The following GRIK2 variants were observed in gnomAD, a reference collection of about 807,000 sequenced individuals.
GRIK2 encodes the protein glutamate receptor ionotropic, kainate 2.
A neutral mutation model predicts 100.3 loss-of-function variants in GRIK2; 32 were observed. That is an observed-to-expected ratio of 0.32 (90% confidence interval 0.24 to 0.43). The LOEUF is 0.43. Among genes scored for constraint, GRIK2 ranks in the 20% least tolerant of loss-of-function variants. GRIK2 has a pLI of 1.00. For missense variants in GRIK2, 843 were observed against 1,114.9 expected (o/e 0.76, Z 3.47); for synonymous variants, 417 against 389.4 (o/e 1.07, Z -0.83).
intron 7 of GRIK2, among the ~76,000 whole-genome samples, chr6:101,720,652 T>A (rs1345313225): frequency 6.6e-6 from 1 of 151,956 alleles, no homozygotes; most frequent in African/African-American, 2.4e-5. Context: ...AATGATTCAG[T>A]CATCCAAGAT....
intron 2 of GRIK2, among the ~76,000 whole-genome samples, chr6:101,600,559 T>A (rs923365929): frequency 6.6e-6 from 1 of 151,978 alleles, no homozygotes; most frequent in Non-Finnish European, 1.5e-5. Context: ...TATTTGTTTG[T>A]GTCACCTGTG....
intron 14 of GRIK2, among the ~76,000 whole-genome samples, chr6:101,981,580 G>GA (rs1793716180): frequency 6.6e-6 from 1 of 151,730 alleles, no homozygotes; most frequent in Non-Finnish European, 1.5e-5. Flanking sequence ...GTGGTATTAG[G>GA]AAAAAAGAAA....
Position 101,399,303 on chromosome 6 carries a change from G to C in GRIK2, c.26G>C (p.Ser9Thr), listed in dbSNP as rs761651375. The change falls in exon 2 of 17, where the codon AGT becomes ACT. Residue 9 changes from serine (S) to threonine (T), a missense_variant. Physicochemically the swap from Ser to Thr is moderately conservative, Grantham distance 58. This residue lies in a region of GRIK2 where 519 missense variants were observed against 643.8 expected (regional missense o/e 0.81). Coordinates refer to ENST00000369134, the MANE Select transcript of GRIK2 (RefSeq NM_021956.5). Reference sequence around the variant, plus strand: ...ATGAAGATTATTTTCCCGATTCTAAGTAATCCAGTCTTCAGGCGCACCGTT... The same window carrying C: ...ATGAAGATTATTTTCCCGATTCTAACTAATCCAGTCTTCAGGCGCACCGTT... The part of the protein sequence containing the change: MKIIFPIL[S>T]NPVFRRTVKL... 2 of 1,577,862 alleles carry C rather than the reference G, an allele frequency of 1.3e-6. No homozygotes were observed. Among genetic ancestry groups the C allele is most frequent in the Non-Finnish European group, 1.7e-6 (2 of 1,146,934 alleles).
chr6:101,923,401 T>G (rs956694430), intron 12 of GRIK2, among the ~76,000 whole-genome samples: 8 of 152,208 alleles, frequency 5.3e-5, no homozygotes, highest in African/African-American at 1.9e-4. Context: ...ATTCCATTAA[T>G]TGATAAATAT....
At chr6:101,537,748 G>T (rs1775785751) in intron 2 of GRIK2, among the ~76,000 whole-genome samples, 3 of 151,752 alleles carry the variant, frequency 2.0e-5, no homozygotes. Flanking sequence ...CATTAATGAT[G>T]CAGCTGGAGA....
At chr6:101,739,597 G>T (rs1775895485) in intron 7 of GRIK2, among the ~76,000 whole-genome samples, 1 of 152,032 alleles carries the variant, frequency 6.6e-6, no homozygotes, top group Non-Finnish European at 1.5e-5. Flanking sequence ...ATGAAGAAAT[G>T]ATATAGCAAA....
In GRIK2 at chr6:101,987,265, T is replaced by G. The variant is rs74472928; in HGVS notation, c.2086-48076T>G. Among the ~76,000 whole-genome samples, 940 of 151,982 alleles carry G rather than the reference T, an allele frequency of 6.2e-3. 12 individuals carry two copies. The highest frequency in any genetic ancestry group is 0.022 in the African/African-American group (913 of 41,540). On this transcript the variant is annotated intron_variant, in intron 14 of 16. Coordinates refer to ENST00000369134, the MANE Select transcript of GRIK2 (RefSeq NM_021956.5). ...GGAACAATTTTTTGTGTGGACGGCA[T>G]TGGTGAAAAAACACTTGTGGCTACA...
intron 7 of GRIK2, among the ~76,000 whole-genome samples, chr6:101,692,077 A>G (rs1772148914): frequency 1.3e-5 from 2 of 150,596 alleles, no homozygotes; most frequent in South Asian, 2.1e-4. Context: ...AGCAATGGAA[A>G]TAGAACCATA....
chr6:101,454,868 A>G (rs1290956272), intron 2 of GRIK2, among the ~76,000 whole-genome samples: 1 of 152,066 alleles, frequency 6.6e-6, no homozygotes, highest in African/African-American at 2.4e-5. Context: ...GATTTTCAAG[A>G]TTTTCAGACA....
At chr6:101,880,386 T>C (rs1786164295) in intron 11 of GRIK2, among the ~76,000 whole-genome samples, 1 of 152,070 alleles carries the variant, frequency 6.6e-6, no homozygotes, top group Non-Finnish European at 1.5e-5. Context: ...ACTCCACTGA[T>C]CTCTTGCTTA....
intron 12 of GRIK2, among the ~76,000 whole-genome samples, chr6:101,916,474 T>C (rs1462766008): frequency 6.6e-6 from 1 of 151,486 alleles, no homozygotes; most frequent in African/African-American, 2.4e-5. Flanking sequence ...TACTCATTGA[T>C]TGGAAAGTAG....
At chr6:101,786,580 G>A (rs765579938) in intron 7 of GRIK2, among the ~76,000 whole-genome samples, 35 of 152,044 alleles carry the variant, frequency 2.3e-4, no homozygotes, top group Non-Finnish European at 4.7e-4. Context: ...CTATTGGTGT[G>A]ATGTATTACA....
chr6:102,012,210 A>G (rs1290052431), intron 14 of GRIK2, among the ~76,000 whole-genome samples: 4 of 151,928 alleles, frequency 2.6e-5, no homozygotes, highest in Non-Finnish European at 4.4e-5. Flanking sequence ...CAACTTATCT[A>G]TTTTTTCACC....
chr6:101,497,522 A>AT (rs965485947), intron 2 of GRIK2, among the ~76,000 whole-genome samples: 1 of 152,112 alleles, frequency 6.6e-6, no homozygotes, highest in African/African-American at 2.4e-5. Flanking sequence ...TGATTGTCAC[A>AT]TTTTAAATAA....
chr6:101,638,831 AAATT>A (rs1781148863), intron 4 of GRIK2, among the ~76,000 whole-genome samples: 1 of 152,004 alleles, frequency 6.6e-6, no homozygotes, highest in Non-Finnish European at 1.5e-5. Flanking sequence ...AGAAAAAAAA[AAATT>A]AATTAGCTAG....
At chr6:101,823,746 T>A (rs1782116324) in intron 10 of GRIK2, among the ~76,000 whole-genome samples, 1 of 152,156 alleles carries the variant, frequency 6.6e-6, no homozygotes, top group Admixed American at 6.6e-5. Context: ...GTCTTGTTGC[T>A]GCTGCTGTTA....
chr6:101,453,953 A>G (rs1173948026), intron 2 of GRIK2, among the ~76,000 whole-genome samples: 1 of 152,110 alleles, frequency 6.6e-6, no homozygotes, highest in Non-Finnish European at 1.5e-5. Flanking sequence ...TGAACAAAGC[A>G]TAAGATATAA....
In GRIK2 at chr6:101,651,004, CTTTTTTTT is replaced by C. The variant is rs3056156; in HGVS notation, c.541+24379_541+24386del. Among the ~76,000 whole-genome samples the C allele has an allele frequency of 8.7e-3, 1,044 of 119,516 alleles. 13 individuals carry two copies. The highest frequency in any genetic ancestry group is 0.029 in the African/African-American group (986 of 33,540). 78.4% of individuals were successfully genotyped at this position (119,516 alleles called of 152,430 possible). ...ACTCTTTTTGTATTTCTTTCTTTTT[CTTTTTTTT>C]TTTTTTTTTTTGGCAACAAATAGCT... On this transcript the variant is annotated intron_variant, in intron 4 of 16. Transcript: ENST00000369134.
chr6:101,792,572 G>A (rs558744070), intron 7 of GRIK2, among the ~76,000 whole-genome samples: 1 of 152,084 alleles, frequency 6.6e-6, no homozygotes, highest in Non-Finnish European at 1.5e-5. Context: ...TCTGCCGAGA[G>A]ATCCGCTGTT....
Sources: gnomAD v4.1 joint callset for allele counts (sites outside exome capture counted in the v4.1 genomes callset) on GRCh38, gnomAD v4.1.1 for gene constraint, gnomAD v4.1.1 regional missense constraint, MANE v1.5 for transcripts, NCBI Gene and HGNC (gene_info 2026-07-23, HGNC 2026-07-21) for gene names.